Variants in ALK observed in about 807,000 individuals in gnomAD.
ALK encodes ALK receptor tyrosine kinase, also known as ALK tyrosine kinase receptor.
In ALK, 74 loss-of-function variants were observed where a neutral mutation model predicts 163.1. The ratio of observed to expected loss-of-function variants is 0.45; its 90% confidence interval spans 0.38 to 0.55. The LOEUF (loss-of-function observed/expected upper bound fraction) is 0.55, where lower values mean the gene tolerates loss of function less well. Ranked by LOEUF, ALK falls within the 20% of genes least tolerant of loss-of-function variation. The pLI, the probability that ALK is intolerant of heterozygous loss-of-function variation, is 0.00. For synonymous variants in ALK, 960 were observed against 843.2 expected (o/e 1.14, Z -2.40); for missense variants, 2,063 against 2,105.3 (o/e 0.98, Z 0.39).
chr2:29,506,064 A>AT (rs1231632470), intron 4 of ALK, among the ~76,000 whole-genome samples: 1 of 152,140 alleles, frequency 6.6e-6, no homozygotes, highest in African/African-American at 2.4e-5. Context: ...AGGGCCAGTG[A>AT]TCCCCTAGGT....
At chr2:29,412,138 G>A (rs1669739787) in intron 4 of ALK, among the ~76,000 whole-genome samples, 1 of 152,186 alleles carries the variant, frequency 6.6e-6, no homozygotes. Context: ...CCAAAAAGGT[G>A]CTATTTGAAG....
At position 29,227,143 on chromosome 2, in the gene ALK, T is replaced by C. The variant is rs1664026951; in HGVS notation, c.2915-69A>G. Reference sequence around the variant, plus strand: ...CCCCACTCCCAGCCTCAGTACTATGTCTCCAGGTGGTCACTGTGGGTGCTC... The same window carrying C: ...CCCCACTCCCAGCCTCAGTACTATGCCTCCAGGTGGTCACTGTGGGTGCTC... On this transcript the variant is annotated intron_variant, in intron 17 of 28. Transcript: ENST00000389048. The surrounding 1 kb of genome is among the most constrained non-coding windows in gnomAD (Gnocchi z 4.4). 20 of 1,606,954 alleles carry C rather than the reference T, an allele frequency of 1.2e-5. 1 individual carries two copies. The South Asian group carries it at 2.2e-4, about 18-fold the overall frequency.
chr2:29,799,098 A>G (rs1664397293), intron 1 of ALK, among the ~76,000 whole-genome samples: 1 of 152,216 alleles, frequency 6.6e-6, no homozygotes, highest in Admixed American at 6.5e-5. Context: ...CTGAAATTGG[A>G]AGCCACAGCT....
intron 5 of ALK, among the ~76,000 whole-genome samples, chr2:29,344,758 G>C (rs1667897307): frequency 6.6e-6 from 1 of 152,262 alleles, no homozygotes; most frequent in African/African-American, 2.4e-5. Flanking sequence ...AGATAACTGG[G>C]ATGTCTGAAT....
chr2:29,286,781 A>G (rs1665867704), intron 9 of ALK: 1 of 152,228 alleles, frequency 6.6e-6, no homozygotes. Flanking sequence ...AATTGATTTC[A>G]GCCTTGAGTT....
intron 3 of ALK, among the ~76,000 whole-genome samples, chr2:29,683,246 G>A (rs574269141): frequency 4.6e-5 from 7 of 151,972 alleles, no homozygotes; most frequent in African/African-American, 9.7e-5. Flanking sequence ...GTGTGGTGGC[G>A]CACACCTGTA....
intron 5 of ALK, among the ~76,000 whole-genome samples, chr2:29,335,646 C>T (rs1044756272): frequency 6.6e-6 from 1 of 152,182 alleles, no homozygotes; most frequent in African/African-American, 2.4e-5. Flanking sequence ...CTAGGAGAGG[C>T]TCCCTGACTG....
intron 4 of ALK, among the ~76,000 whole-genome samples, chr2:29,442,480 G>C (rs149681404): frequency 7.6e-4 from 115 of 152,202 alleles, no homozygotes; most frequent in Non-Finnish European, 1.0e-4. Context: ...GAGAGTATTG[G>C]TAAGTGAGAC....
chr2:29,320,810 GGTGACA>G lies in ALK; in HGVS notation c.1481_1486del (p.Leu494_Ser495del). 1 of 1,614,098 alleles carries G rather than the reference GGTGACA, an allele frequency of 6.2e-7. No individual in the cohort carries two copies. The stretch of plus-strand genomic sequence containing the variant: ...CCTGACCTGCCATTGAGGAGTGTGG[GGTGACA>G]GTGTGCCTTGGGTCCAGCCACAGAA... On this transcript the variant is annotated inframe_deletion, in exon 7 of 29. Coordinates refer to ENST00000389048, the MANE Select transcript of ALK (RefSeq NM_004304.5).
chr2:29,769,988 G>A (rs1260030980), intron 1 of ALK, among the ~76,000 whole-genome samples: 1 of 152,180 alleles, frequency 6.6e-6, no homozygotes, highest in East Asian at 1.9e-4. Flanking sequence ...GAGTGTTGGT[G>A]GGAGGGACGA....
chr2:29,507,173 C>A (rs1417868921), intron 4 of ALK, among the ~76,000 whole-genome samples: 3 of 152,100 alleles, frequency 2.0e-5, no homozygotes, highest in Admixed American at 6.5e-5. Flanking sequence ...TATATACATA[C>A]AATGGAATAT....
intron 3 of ALK, among the ~76,000 whole-genome samples, chr2:29,592,399 T>C (rs75129659): frequency 0.061 from 9,250 of 152,194 alleles, 307 homozygotes; most frequent in Middle Eastern, 0.075. Flanking sequence ...TGCTCCTTAG[T>C]CCATGCTGGC....
At chr2:29,422,407 T>C (rs1670036217) in intron 4 of ALK, among the ~76,000 whole-genome samples, 1 of 151,378 alleles carries the variant, frequency 6.6e-6, no homozygotes, top group South Asian at 2.1e-4. Flanking sequence ...ACCTCATCCC[T>C]GATCCTATGG....
chr2:29,792,255 A>G (rs1008194720), intron 1 of ALK, among the ~76,000 whole-genome samples: 2 of 152,238 alleles, frequency 1.3e-5, no homozygotes, highest in African/African-American at 4.8e-5. Flanking sequence ...ACAGTGGAAC[A>G]GTTGCAGAAG....
At chr2:29,761,539 A>C (rs1269386696) in intron 1 of ALK, among the ~76,000 whole-genome samples, 1 of 152,230 alleles carries the variant, frequency 6.6e-6, no homozygotes, top group Non-Finnish European at 1.5e-5. Context: ...AAAAGCACAA[A>C]GGAAGAGTCT....
intron 8 of ALK, among the ~76,000 whole-genome samples, chr2:29,302,422 G>A (rs1402069185): frequency 2.6e-5 from 4 of 152,196 alleles, no homozygotes; most frequent in Non-Finnish European, 5.9e-5. Context: ...GGAGGCTGAG[G>A]CAGGAGAATT....
rs549859699 is a variant in ALK at position 29,710,267 on chromosome 2, C to G, written c.787+7311G>C. On this transcript the variant is annotated intron_variant, in intron 2 of 28. Coordinates refer to ENST00000389048, the MANE Select transcript of ALK (RefSeq NM_004304.5). ...TCTCAAGCCATGTGGAACTGTGAGT[C>G]AATTGAACCTCTTTCCTTTATAAAT... Among the ~76,000 whole-genome samples the G allele has an allele frequency of 2.0e-5, 3 of 152,282 alleles. No homozygotes were observed. In the East Asian group the frequency reaches 5.8e-4, roughly 29 times the overall value.
chr2:29,227,989 T>C lies in ALK; in HGVS notation c.2816-317A>G, dbSNP rs924682849. Among the ~76,000 whole-genome samples the C allele has an allele frequency of 3.9e-5, 6 of 152,176 alleles. No homozygotes were observed. The highest frequency in any genetic ancestry group is 1.4e-4 in the African/African-American group (6 of 41,454). The stretch of plus-strand genomic sequence containing the variant: ...GTCTTTCCAGGCTGGGATATGCCCA[T>C]GGTGCCTCTCCCAGGACTGGTCAGG... On this transcript the variant is annotated intron_variant, in intron 16 of 28. Transcript: ENST00000389048. This position sits in a 1 kb window ranked among gnomAD's most constrained non-coding sequence, Gnocchi z 4.4.
At chr2:29,274,601 G>A (rs1045324655) in intron 11 of ALK, among the ~76,000 whole-genome samples, 8 of 152,244 alleles carry the variant, frequency 5.3e-5, no homozygotes, top group Admixed American at 4.6e-4. Flanking sequence ...GTCTTGGCTT[G>A]GGGTATGCTG....
Sources: gnomAD v4.1 joint callset for allele counts (sites outside exome capture counted in the v4.1 genomes callset) on GRCh38, gnomAD v4.1.1 for gene constraint, Gnocchi (gnomAD v3.1) non-coding constraint, MANE v1.5 for transcripts, NCBI Gene and HGNC (gene_info 2026-07-23, HGNC 2026-07-21) for gene names.